AOAH: variants seen among roughly 807,000 people sequenced by gnomAD.
The protein encoded by AOAH is acyloxyacyl hydrolase (neutrophil).
Under a neutral mutation model 92.2 loss-of-function variants are expected in AOAH, and 64 were observed. The ratio of observed to expected loss-of-function variants is 0.69; its 90% CI spans 0.57 to 0.86. The LOEUF (loss-of-function observed/expected upper bound fraction) is 0.86. Among genes scored for constraint, AOAH ranks in the 40% least tolerant of loss-of-function variants. AOAH has a pLI of 0.00. For missense variants in AOAH, 656 were observed against 694.6 expected (o/e 0.94, Z 0.62); for synonymous variants, 263 against 254.5 (o/e 1.03, Z -0.32).
chr7:36,561,584 G>A (rs905476153), intron 13 of AOAH, among the ~76,000 whole-genome samples: 2 of 149,938 alleles, frequency 1.3e-5, no homozygotes, highest in East Asian at 4.0e-4. Context: ...CATCGGCTGG[G>A]CCCTTCATTC....
At chr7:36,690,531 T>G (rs1797332177) in intron 1 of AOAH, among the ~76,000 whole-genome samples, 1 of 152,248 alleles carries the variant, frequency 6.6e-6, no homozygotes, top group Non-Finnish European at 1.5e-5. Context: ...GAGGTTTCGC[T>G]TCCTTGACAG....
chr7:36,598,288 G>A (rs1378167370), intron 11 of AOAH: 2 of 152,236 alleles, frequency 1.3e-5, no homozygotes, highest in Non-Finnish European at 2.9e-5. Flanking sequence ...GGGTGAGTTT[G>A]TATTCCTCAG....
intron 5 of AOAH, among the ~76,000 whole-genome samples, chr7:36,635,647 G>C (rs1793465179): frequency 6.6e-6 from 1 of 152,166 alleles, no homozygotes; most frequent in South Asian, 2.1e-4. Flanking sequence ...TATCCGCATA[G>C]CCTGTGACGT....
At chr7:36,594,678 A>G in intron 11 of AOAH, 1 of 530,602 alleles carries the variant, frequency 1.9e-6, no homozygotes, top group Non-Finnish European at 3.4e-6. Context: ...AACATTTGGC[A>G]TCTCAAACAC....
At chr7:36,681,100 T>C (rs1476833500) in intron 2 of AOAH, among the ~76,000 whole-genome samples, 1 of 152,184 alleles carries the variant, frequency 6.6e-6, no homozygotes, top group Admixed American at 6.5e-5. Context: ...ACATCTAACT[T>C]GAGGTTATAC....
chr7:36,620,896 C>A (rs1792230977), intron 8 of AOAH, 67 bp from the exon 9 acceptor site: 2 of 1,331,256 alleles, frequency 1.5e-6, no homozygotes, highest in Non-Finnish European at 2.1e-6. Context: ...CAGTTTCATG[C>A]ATGAATGAAT....
intron 1 of AOAH, among the ~76,000 whole-genome samples, chr7:36,695,378 T>A (rs6415265): frequency 0.82 from 124,675 of 152,168 alleles, 51,346 homozygotes; most frequent in East Asian, 1. Context: ...ACCTTAATAC[T>A]TTTTGGAACA....
intron 20 of AOAH, among the ~76,000 whole-genome samples, chr7:36,514,107 C>G (rs2115629981): frequency 6.6e-6 from 1 of 152,234 alleles, no homozygotes. Flanking sequence ...CCAAATGACA[C>G]CACCAAGCCC....
chr7:36,654,319 T>TTCC (rs1794753492), intron 4 of AOAH, among the ~76,000 whole-genome samples: 1 of 152,266 alleles, frequency 6.6e-6, no homozygotes, highest in East Asian at 1.9e-4. Flanking sequence ...CTCTCTCCTT[T>TTCC]TTCTTCTTCT....
intron 1 of AOAH, among the ~76,000 whole-genome samples, chr7:36,706,655 A>G (rs1465382805): frequency 6.6e-6 from 1 of 152,196 alleles, no homozygotes; most frequent in African/African-American, 2.4e-5. Flanking sequence ...TATTTTGTCT[A>G]CATCAACAAT....
intron 19 of AOAH, among the ~76,000 whole-genome samples, chr7:36,523,865 G>A (rs1784244890): frequency 6.6e-6 from 1 of 151,988 alleles, no homozygotes; most frequent in Non-Finnish European, 1.5e-5. Context: ...CCAGCCATCT[G>A]GAAAGATTTC....
At chr7:36,515,407 C>T (rs1583700339) in intron 20 of AOAH, among the ~76,000 whole-genome samples, 5 of 113,394 alleles carry the variant, frequency 4.4e-5, no homozygotes, top group African/African-American at 1.0e-4. Context: ...ACCACACACA[C>T]AAACATCACA....
intron 4 of AOAH, among the ~76,000 whole-genome samples, chr7:36,639,451 C>T (rs776005602): frequency 8.6e-5 from 13 of 152,044 alleles, no homozygotes; most frequent in Non-Finnish European, 1.2e-4. Flanking sequence ...TTCAGAGCCT[C>T]GCACAGTCCT....
At chr7:36,720,208 G>A (rs1799527907) in intron 1 of AOAH, among the ~76,000 whole-genome samples, 1 of 151,946 alleles carries the variant, frequency 6.6e-6, no homozygotes, top group Non-Finnish European at 1.5e-5. Flanking sequence ...GGAGCGTGGT[G>A]ATGTGATCTC....
intron 20 of AOAH, among the ~76,000 whole-genome samples, chr7:36,518,392 G>A (rs889984755): frequency 2.6e-5 from 4 of 152,162 alleles, no homozygotes; most frequent in African/African-American, 2.4e-5. Context: ...ATTTTTAGTA[G>A]ATGGGGTAAT....
intron 2 of AOAH, among the ~76,000 whole-genome samples, chr7:36,680,918 C>A (rs1194465014): frequency 6.6e-6 from 1 of 152,220 alleles, no homozygotes; most frequent in Admixed American, 6.5e-5. Flanking sequence ...TTACCAGGCT[C>A]TGACATTTCC....
intron 1 of AOAH, among the ~76,000 whole-genome samples, chr7:36,690,531 T>C (rs1797332177): frequency 6.6e-6 from 1 of 152,248 alleles, no homozygotes; most frequent in Non-Finnish European, 1.5e-5. Context: ...GAGGTTTCGC[T>C]TCCTTGACAG....
chr7:36,598,148 G>A (rs1017553061), intron 11 of AOAH: 81 of 152,278 alleles, frequency 5.3e-4, no homozygotes, highest in African/African-American at 1.8e-3. Flanking sequence ...CTGAAGAAAT[G>A]GGACTCAGCT....
chr7:36,530,454 A>G lies in AOAH; in HGVS notation c.1486T>C (p.Phe496Leu). ...GCAAAATCCATGTAGAAAAGATTGA[A>G]GTTTGTAAATTTCTCACTGGCTGCA... ...KIAASEKFTNFNLFYMDFAFH... is the reference protein window; with the variant it reads ...KIAASEKFTNLNLFYMDFAFH... Residue 496 changes from phenylalanine (F) to leucine (L), a missense_variant, in exon 19 of 21, where the codon TTC (phenylalanine) becomes CTC (leucine). Physicochemically the swap from Phe to Leu is conservative, Grantham distance 22. Coordinates refer to ENST00000617537, the MANE Select transcript of AOAH (RefSeq NM_001637.4). 1 of 1,613,842 alleles carries G rather than the reference A, an allele frequency of 6.2e-7. No individual in the cohort carries two copies. Among genetic ancestry groups the G allele is most frequent in the Admixed American group, 1.7e-5 (1 of 60,026 alleles).
Sources: allele counts gnomAD v4.1 joint callset (sites outside exome capture counted in the v4.1 genomes callset), GRCh38; gene constraint gnomAD v4.1.1; transcripts MANE v1.5; gene names NCBI Gene and HGNC (gene_info 2026-07-23, HGNC 2026-07-21).